The following BNC2 variants were observed in gnomAD, a reference collection of about 807,000 sequenced individuals.
The protein encoded by BNC2 is zinc finger protein basonuclin-2.
Under a neutral mutation model 76.3 loss-of-function variants are expected in BNC2, and 20 were observed. That is an observed-to-expected ratio of 0.26 (90% CI 0.18 to 0.38). The LOEUF is 0.38. Ranked by LOEUF, BNC2 falls within the 10% of genes least tolerant of loss-of-function variation. BNC2 has a pLI of 1.00. For missense variants in BNC2, 1,382 were observed against 1,399.8 expected, an observed-to-expected ratio of 0.99 and a Z score of 0.20; for synonymous variants, 582 against 514.8, an observed-to-expected ratio of 1.13 and a Z score of -1.77.
intron 6 of BNC2, among the ~76,000 whole-genome samples, chr9:16,427,864 C>T (rs79086898): frequency 0.083 from 12,679 of 152,236 alleles, 560 homozygotes; most frequent in Middle Eastern, 0.15. Flanking sequence ...GCACCACTGT[C>T]AGCTGTTGCT....
intron 1 of BNC2, among the ~76,000 whole-genome samples, chr9:16,772,245 G>C (rs891136319): frequency 5.9e-5 from 9 of 152,116 alleles, no homozygotes; most frequent in Non-Finnish European, 1.2e-4. Flanking sequence ...GCAGGGACCA[G>C]GGGTGTATAT....
At chr9:16,828,752 C>A (rs1398971253) in intron 1 of BNC2, among the ~76,000 whole-genome samples, 1 of 152,190 alleles carries the variant, frequency 6.6e-6, no homozygotes, top group African/African-American at 2.4e-5. Context: ...CCCTGGTTAG[C>A]TCCAGCTATT....
chr9:16,460,665 A>G (rs1470293566), intron 5 of BNC2, among the ~76,000 whole-genome samples: 4 of 152,152 alleles, frequency 2.6e-5, no homozygotes, highest in Non-Finnish European at 4.4e-5. Flanking sequence ...CCTCTATTAT[A>G]TGAGGCATGG....
intron 5 of BNC2, among the ~76,000 whole-genome samples, chr9:16,541,950 C>T (rs762674114): frequency 3.3e-5 from 5 of 152,012 alleles, no homozygotes; most frequent in African/African-American, 7.2e-5. Context: ...GCAATATACG[C>T]CAGTCTTCAA....
chr9:16,546,309 C>G (rs1438025724), intron 5 of BNC2, among the ~76,000 whole-genome samples: 1 of 152,154 alleles, frequency 6.6e-6, no homozygotes. Flanking sequence ...GAAACTATGA[C>G]TAAGAATGGC....
chr9:16,433,328 T>C (rs1319061613), intron 6 of BNC2, among the ~76,000 whole-genome samples: 6 of 152,232 alleles, frequency 3.9e-5, no homozygotes, highest in Admixed American at 3.9e-4. Flanking sequence ...ATTTATCTTA[T>C]GTGACAAAGC....
At chr9:16,622,732 G>A (rs561213343) in intron 3 of BNC2, among the ~76,000 whole-genome samples, 32 of 152,214 alleles carry the variant, frequency 2.1e-4, no homozygotes, top group African/African-American at 7.7e-4. Flanking sequence ...GGGTGGCCAG[G>A]CCAGGAGGAG....
intron 5 of BNC2, among the ~76,000 whole-genome samples, chr9:16,476,525 T>A (rs1032694478): frequency 1.3e-5 from 2 of 151,710 alleles, no homozygotes; most frequent in African/African-American, 2.4e-5. Flanking sequence ...AGAAGTACTC[T>A]AGATAACTTG....
At chr9:16,861,011 C>T (rs1751066479) in intron 1 of BNC2, among the ~76,000 whole-genome samples, 1 of 147,868 alleles carries the variant, frequency 6.8e-6, no homozygotes, top group Admixed American at 6.9e-5. Flanking sequence ...ACGCCACTGC[C>T]TGAGCGCCAG....
intron 1 of BNC2, among the ~76,000 whole-genome samples, chr9:16,835,188 A>C (rs946186971): frequency 5.3e-5 from 8 of 152,326 alleles, no homozygotes; most frequent in African/African-American, 1.7e-4. Context: ...ATAATAGCAA[A>C]CATTATTCGT....
intron 5 of BNC2, among the ~76,000 whole-genome samples, chr9:16,550,156 T>A (rs1179787736): frequency 6.6e-6 from 1 of 152,208 alleles, no homozygotes; most frequent in African/African-American, 2.4e-5. Context: ...TTTCTTTAAA[T>A]CAAGCTTGTC....
intron 4 of BNC2, among the ~76,000 whole-genome samples, chr9:16,565,732 T>C (rs1477470572): frequency 6.6e-6 from 1 of 150,930 alleles, no homozygotes; most frequent in Non-Finnish European, 1.5e-5. Context: ...CACTTGAGCC[T>C]GGGAGGTCGA....
intron 1 of BNC2, among the ~76,000 whole-genome samples, chr9:16,817,926 T>C (rs1353584485): frequency 1.3e-5 from 2 of 152,204 alleles, no homozygotes; most frequent in Non-Finnish European, 2.9e-5. Context: ...GACAATGTAC[T>C]CATCTCATTC....
intron 1 of BNC2, among the ~76,000 whole-genome samples, chr9:16,799,495 A>G (rs1817732339): frequency 6.6e-6 from 1 of 152,030 alleles, no homozygotes; most frequent in Non-Finnish European, 1.5e-5. Context: ...TTGTATTTTT[A>G]GTAGAGACAG....
chr9:16,605,571 C>T (rs1327077571), intron 3 of BNC2, among the ~76,000 whole-genome samples: 1 of 152,170 alleles, frequency 6.6e-6, no homozygotes, highest in Non-Finnish European at 1.5e-5. Context: ...GTAACAAGTG[C>T]TACATAAAAC....
chr9:16,665,434 A>AAAGAAAGAAAG, intron 3 of BNC2, among the ~76,000 whole-genome samples: 1 of 116,166 alleles, frequency 8.6e-6, no homozygotes, highest in South Asian at 3.3e-4. Flanking sequence ...GAAAGGAAAG[A>AAAGAAAGAAAG]AAAGAAAGAA....
chr9:16,737,159 G>A (rs1277051622), intron 2 of BNC2, among the ~76,000 whole-genome samples: 1 of 150,902 alleles, frequency 6.6e-6, no homozygotes, highest in Non-Finnish European at 1.5e-5. Flanking sequence ...AGGCTAGAGT[G>A]CAGTGCACAA....
In BNC2 at chr9:16,471,112, T is replaced by G. The variant is rs1409711536; in HGVS notation, c.670-33588A>C. On this transcript the variant is annotated intron_variant, in intron 5 of 6. Coordinates refer to ENST00000380672, the MANE Select transcript of BNC2 (RefSeq NM_017637.6). The stretch of plus-strand genomic sequence containing the variant: ...CTCTTACATCAGCGTGATGTGGATG[T>G]GAGACCTGGAGTCAAAGGAGATCAT... 2.0e-5 allele frequency among the ~76,000 whole-genome samples: 3 copies of G among 152,172 alleles called. No individual in the cohort carries two copies. In the East Asian group the frequency reaches 5.8e-4, roughly 29 times the overall value.
chr9:16,687,010 G>A (rs1032643325), intron 3 of BNC2, among the ~76,000 whole-genome samples: 4 of 152,036 alleles, frequency 2.6e-5, no homozygotes, highest in Non-Finnish European at 5.9e-5. Flanking sequence ...GGAATCTTAC[G>A]TGTAGATTAA....
Sources: allele counts gnomAD v4.1 joint callset (sites outside exome capture counted in the v4.1 genomes callset), GRCh38; gene constraint gnomAD v4.1.1; transcripts MANE v1.5; gene names NCBI Gene and HGNC (gene_info 2026-07-23, HGNC 2026-07-21).